The following AMMECR1 variants were observed in gnomAD, a reference collection of about 807,000 sequenced individuals.
The protein encoded by AMMECR1 is nuclear protein AMMECR1.
AMMECR1 carries 3 observed loss-of-function variants against 22.5 expected under a neutral mutation model. The observed-to-expected ratio is 0.13, with a 90% CI of 0.06 to 0.35. AMMECR1 has a LOEUF of 0.35. Ranked by LOEUF, AMMECR1 falls within the 10% of genes least tolerant of loss-of-function variation. AMMECR1 has a pLI of 1.00. For missense variants in AMMECR1, 235 were observed against 278.7 expected (o/e 0.84, Z 1.12); for synonymous variants, 130 against 116.7 (o/e 1.11, Z -0.74).
intron 1 of AMMECR1, among the ~76,000 whole-genome samples, chrX:110,314,930 G>C (rs1479068252): frequency 8.9e-6 from 1 of 111,740 alleles, no homozygotes; most frequent in Non-Finnish European, 1.9e-5. Context: ...ACCAGTTACA[G>C]ACATTCTGAG....
At chrX:110,240,921 C>T (rs759234884) in intron 2 of AMMECR1, among the ~76,000 whole-genome samples, 124 of 112,134 alleles carry the variant, frequency 1.1e-3, no homozygotes, top group Middle Eastern at 4.6e-3. Context: ...GATTAAGAAA[C>T]TCACTCAAAA....
At chrX:110,218,360 T>A (rs2067484629) in intron 2 of AMMECR1, among the ~76,000 whole-genome samples, 1 of 111,273 alleles carries the variant, frequency 9.0e-6, no homozygotes, top group Non-Finnish European at 1.9e-5. Context: ...GGGTTATGGA[T>A]TTTTTTACTG....
At chrX:110,346,212 C>T (rs2068188296) in intron 2 of AMMECR1, among the ~76,000 whole-genome samples, 1 of 111,516 alleles carries the variant, frequency 9.0e-6, no homozygotes, top group Admixed American at 9.5e-5. Flanking sequence ...ATTGTATTTC[C>T]TATTAAATTT....
chrX:110,222,362 C>T (rs1410563185), intron 2 of AMMECR1, among the ~76,000 whole-genome samples: 2 of 90,760 alleles, frequency 2.2e-5, no homozygotes, highest in African/African-American at 8.2e-5. Flanking sequence ...AACCAAACAC[C>T]ACATATTCTC....
upstream of AMMECR1, among the ~76,000 whole-genome samples, chrX:110,319,902 C>A (rs2068072555): frequency 8.9e-6 from 1 of 111,750 alleles, no homozygotes; most frequent in Non-Finnish European, 1.9e-5. Flanking sequence ...GCAGGTGGAA[C>A]CGAGGTTAAA....
chrX:110,410,253 G>A (rs983148967), intron 2 of AMMECR1, among the ~76,000 whole-genome samples: 2 of 111,524 alleles, frequency 1.8e-5, no homozygotes, highest in African/African-American at 6.5e-5. Context: ...TGGGAAGAAG[G>A]ACCTTAAATT....
intron 2 of AMMECR1, among the ~76,000 whole-genome samples, chrX:110,261,657 T>C (rs748783898): frequency 1.8e-3 from 201 of 111,922 alleles, no homozygotes; most frequent in African/African-American, 5.4e-3. Flanking sequence ...CTGAGTTGTA[T>C]ACTTTCCATA....
chrX:110,198,750 G>A (rs1212558919), intron 5 of AMMECR1, 116 bp from the exon 6 acceptor site: 6 of 497,587 alleles, frequency 1.2e-5, no homozygotes, highest in Non-Finnish European at 2.1e-5. Flanking sequence ...GGGTCCCAGA[G>A]AGAAGCAGTG....
intron 1 of AMMECR1, among the ~76,000 whole-genome samples, chrX:110,291,854 C>G (rs2067910837): frequency 9.0e-6 from 1 of 111,698 alleles, no homozygotes; most frequent in South Asian, 3.8e-4. Flanking sequence ...AATGTAAATG[C>G]CAGCAGTGGC....
At chrX:110,341,439 T>A (rs1303766527) in intron 2 of AMMECR1, among the ~76,000 whole-genome samples, 5 of 112,473 alleles carry the variant, frequency 4.4e-5, no homozygotes, top group African/African-American at 1.6e-4. Context: ...CACAGCCAAC[T>A]GTGGTCCAAA....
intron 1 of AMMECR1, among the ~76,000 whole-genome samples, chrX:110,296,339 C>T (rs2067935679): frequency 8.9e-6 from 1 of 112,042 alleles, no homozygotes; most frequent in South Asian, 3.7e-4. Context: ...TTTTGTCTCT[C>T]AACAATTTGA....
intron 3 of AMMECR1, among the ~76,000 whole-genome samples, chrX:110,208,686 A>C (rs1266974758): frequency 8.9e-6 from 1 of 112,165 alleles, no homozygotes; most frequent in East Asian, 2.8e-4. Context: ...TTTTAGTAAA[A>C]TTTTAAATAA....
At chrX:110,392,476 C>A (rs1054380310) in intron 2 of AMMECR1, among the ~76,000 whole-genome samples, 2 of 110,861 alleles carry the variant, frequency 1.8e-5, no homozygotes, top group African/African-American at 6.6e-5. Context: ...AGAGACAAGG[C>A]CTTGCTTTGT....
intron 1 of AMMECR1, among the ~76,000 whole-genome samples, chrX:110,277,713 G>C: frequency 9.0e-6 from 1 of 111,726 alleles, no homozygotes; most frequent in Non-Finnish European, 1.9e-5. Flanking sequence ...CCAAAGGTTA[G>C]ACAAGTCACT....
chrX:110,294,602 T>C (rs949976701), intron 1 of AMMECR1, among the ~76,000 whole-genome samples: 3 of 111,906 alleles, frequency 2.7e-5, no homozygotes, highest in Non-Finnish European at 3.8e-5. Context: ...TTTTATTCAT[T>C]TGGTTTGCCA....
At chrX:110,240,118 G>A (rs752738116) in intron 2 of AMMECR1, among the ~76,000 whole-genome samples, 2 of 111,166 alleles carry the variant, frequency 1.8e-5, no homozygotes, top group South Asian at 7.6e-4. Context: ...AAATTGTAAA[G>A]ATCATTGACA....
intron 2 of AMMECR1, among the ~76,000 whole-genome samples, chrX:110,378,078 C>T (rs1418023867): frequency 3.7e-5 from 4 of 107,499 alleles, no homozygotes; most frequent in Non-Finnish European, 7.7e-5. Context: ...TCCTTTTCTT[C>T]AAGATTCTGA....
chrX:110,341,774 G>A (rs992947956), intron 2 of AMMECR1, among the ~76,000 whole-genome samples: 1 of 112,547 alleles, frequency 8.9e-6, no homozygotes, highest in East Asian at 2.8e-4. Context: ...TCCTTTCAAT[G>A]AAAATGTAGG....
At chrX:110,320,564 T>A (rs1037103257), upstream of AMMECR1, among the ~76,000 whole-genome samples, 1 of 112,047 alleles carries the variant, frequency 8.9e-6, no homozygotes, top group Non-Finnish European at 1.9e-5. Flanking sequence ...CTAACGCCCC[T>A]ACTCTTGTGA....
Sources: allele counts gnomAD v4.1 joint callset (sites outside exome capture counted in the v4.1 genomes callset), GRCh38; gene constraint gnomAD v4.1.1; transcripts MANE v1.5; gene names NCBI Gene and HGNC (gene_info 2026-07-23, HGNC 2026-07-21).